FER: variants seen among roughly 807,000 people sequenced by gnomAD.
The protein encoded by FER is tyrosine-protein kinase Fer.
Under a neutral mutation model 111.0 loss-of-function variants are expected in FER, and 63 were observed. That is an observed-to-expected ratio of 0.57 (90% CI 0.46 to 0.70). The LOEUF is 0.70. Among genes scored for constraint, FER ranks in the 30% least tolerant of loss-of-function variants. The pLI is 0.00. For missense variants in FER, 914 were observed against 954.0 expected (o/e 0.96, Z 0.55); for synonymous variants, 327 against 313.9 (o/e 1.04, Z -0.44).
At chr5:108,939,095 T>C (rs79843553) in intron 10 of FER, among the ~76,000 whole-genome samples, 2,996 of 152,098 alleles carry the variant, frequency 0.02, 81 homozygotes, top group African/African-American at 0.069. Flanking sequence ...CCATTTAAAC[T>C]AGGGTTTTTC....
chr5:108,914,472 AAGTGTTGTATTCTTC>A (rs1751994751), intron 10 of FER, among the ~76,000 whole-genome samples: 1 of 152,134 alleles, frequency 6.6e-6, no homozygotes, highest in Admixed American at 6.5e-5. Flanking sequence ...TTTGATAACA[AAGTGTTGTATTCTTC>A]AGATCTCTTG....
intron 4 of FER, among the ~76,000 whole-genome samples, chr5:108,834,671 C>T (rs911920452): frequency 7.3e-5 from 11 of 149,694 alleles, no homozygotes; most frequent in African/African-American, 2.7e-4. Flanking sequence ...GCCCTAACAG[C>T]CTGGGCAACA....
chr5:108,929,095 G>A (rs886069457), intron 10 of FER, among the ~76,000 whole-genome samples: 9 of 152,094 alleles, frequency 5.9e-5, no homozygotes, highest in Non-Finnish European at 1.0e-4. Flanking sequence ...CTGGGAAAGA[G>A]GAAAAGTATG....
At chr5:108,900,433 T>C (rs535725027) in intron 10 of FER, among the ~76,000 whole-genome samples, 18 of 152,360 alleles carry the variant, frequency 1.2e-4, no homozygotes, top group Non-Finnish European at 1.0e-4. Context: ...TTATGAATAA[T>C]GTTACAAGAA....
chr5:109,022,683 G>T (rs72790545), intron 13 of FER, among the ~76,000 whole-genome samples: 16,845 of 152,078 alleles, frequency 0.11, 1,032 homozygotes, highest in Non-Finnish European at 0.14. Flanking sequence ...GTTTCTCTGA[G>T]GAGACACGAT....
At chr5:109,045,049 T>A (rs1034191623) in intron 15 of FER, among the ~76,000 whole-genome samples, 4 of 151,952 alleles carry the variant, frequency 2.6e-5, no homozygotes, top group Non-Finnish European at 5.9e-5. Context: ...CACACATACA[T>A]ATACATATAT....
chr5:109,051,547 G>C, intron 16 of FER: 1 of 1,611,050 alleles, frequency 6.2e-7, no homozygotes, highest in Non-Finnish European at 8.5e-7. Flanking sequence ...TTGCTCACTT[G>C]CTTGCTTGTC....
intron 3 of FER, chr5:108,820,426 T>G: frequency 1.0e-6 from 1 of 985,414 alleles, no homozygotes; most frequent in Non-Finnish European, 1.2e-6. Flanking sequence ...CTGGTTACTG[T>G]TCTTCAAAAG....
chr5:108,918,390 T>G (rs1752537168), intron 10 of FER, among the ~76,000 whole-genome samples: 1 of 152,144 alleles, frequency 6.6e-6, no homozygotes, highest in East Asian at 1.9e-4. Flanking sequence ...TCAAAATCAT[T>G]CTATGTGGGC....
chr5:108,981,083 C>T (rs951719740), intron 13 of FER, among the ~76,000 whole-genome samples: 2 of 151,634 alleles, frequency 1.3e-5, no homozygotes, highest in African/African-American at 4.8e-5. Context: ...AAGTGAAGCA[C>T]AATAAAATAA....
chr5:109,061,167 A>G (rs1774365304), intron 16 of FER, among the ~76,000 whole-genome samples: 1 of 152,090 alleles, frequency 6.6e-6, no homozygotes, highest in Non-Finnish European at 1.5e-5. Context: ...GGATTACATG[A>G]CCTCTAAATT....
intron 2 of FER, among the ~76,000 whole-genome samples, chr5:108,771,095 C>G (rs1752850718): frequency 6.6e-6 from 1 of 151,832 alleles, no homozygotes; most frequent in Admixed American, 6.6e-5. Flanking sequence ...GCCACCATGC[C>G]CAGCTAATTT....
chr5:109,183,527 G>A (rs1758524866), intron 18 of FER, among the ~76,000 whole-genome samples: 1 of 152,168 alleles, frequency 6.6e-6, no homozygotes, highest in African/African-American at 2.4e-5. Flanking sequence ...GGGATTACAG[G>A]CGTGAGCTAC....
At chr5:109,060,081 A>G (rs141277066) in intron 16 of FER, among the ~76,000 whole-genome samples, 1,821 of 152,306 alleles carry the variant, frequency 0.012, 18 homozygotes, top group Non-Finnish European at 0.02. Flanking sequence ...TACACGTTAT[A>G]TGATTCCATT....
At chr5:108,963,453 T>A (rs1045579033) in intron 13 of FER, among the ~76,000 whole-genome samples, 4 of 151,932 alleles carry the variant, frequency 2.6e-5, no homozygotes, top group Non-Finnish European at 5.9e-5. Flanking sequence ...TCCCAGCTAC[T>A]TGGGGGGCTG....
intron 16 of FER, among the ~76,000 whole-genome samples, chr5:109,063,620 A>G (rs1156737811): frequency 2.6e-5 from 4 of 152,222 alleles, no homozygotes; most frequent in Non-Finnish European, 5.9e-5. Context: ...TTTGAGGCCG[A>G]TTAAAAGAAC....
chr5:108,910,689 A>G (rs76850906), intron 10 of FER, among the ~76,000 whole-genome samples: 2,429 of 151,914 alleles, frequency 0.016, 76 homozygotes, highest in African/African-American at 0.056. Flanking sequence ...TTTATGTCCA[A>G]TATACCCATT....
At chr5:109,033,252 A>G (rs1769897147) in intron 13 of FER, among the ~76,000 whole-genome samples, 1 of 152,122 alleles carries the variant, frequency 6.6e-6, no homozygotes, top group African/African-American at 2.4e-5. Flanking sequence ...GAAGGTTGCA[A>G]AAAGTCTGCT....
intron 17 of FER, among the ~76,000 whole-genome samples, chr5:109,110,061 T>C (rs1749417399): frequency 1.3e-5 from 2 of 152,108 alleles, no homozygotes; most frequent in Admixed American, 1.3e-4. Flanking sequence ...CTGACTCCAC[T>C]CATATCTCCA....
Sources: gnomAD v4.1 joint callset for allele counts (sites outside exome capture counted in the v4.1 genomes callset) on GRCh38, gnomAD v4.1.1 for gene constraint, MANE v1.5 for transcripts, NCBI Gene and HGNC (gene_info 2026-07-23, HGNC 2026-07-21) for gene names.